The following PCDHA4 variants were observed in gnomAD, a reference collection of about 807,000 sequenced individuals.
The protein encoded by PCDHA4 is protocadherin alpha 4.
In PCDHA4, 49 loss-of-function variants were observed where a neutral mutation model predicts 61.4. That is an observed-to-expected ratio of 0.80 (90% CI 0.63 to 1.01). PCDHA4 has a LOEUF of 1.01. Ranked by LOEUF, PCDHA4 falls within the 50% of genes least tolerant of loss-of-function variation. PCDHA4 has a pLI of 0.00. For synonymous variants in PCDHA4, 590 were observed against 550.3 expected, an observed-to-expected ratio of 1.07 and a Z score of -1.01; for missense variants, 1,254 against 1,235.8, an observed-to-expected ratio of 1.01 and a Z score of -0.22.
chr5:140,971,922 G>A (rs1433994919), intron 1 of PCDHA4, among the ~76,000 whole-genome samples: 1 of 152,120 alleles, frequency 6.6e-6, no homozygotes, highest in Admixed American at 6.5e-5. Context: ...CACACTGCTA[G>A]TGTTATTTTA....
intron 1 of PCDHA4, chr5:140,876,266 A>T: frequency 6.2e-7 from 1 of 1,614,012 alleles, no homozygotes; most frequent in South Asian, 1.1e-5. Context: ...ATCCAACTAA[A>T]TGCTTCCGAT....
In PCDHA4 at chr5:140,852,899, G is replaced by A; in HGVS notation, c.2385+43327G>A. On this transcript the variant is annotated intron_variant, in intron 1 of 3. Transcript: ENST00000530339. ...TCATAAAACGTATTTTTTTTTTTGA[G>A]TCAGAGTCTCGCTCTGTTGCCCAGG... 4.8e-6 allele frequency: 4 copies of A among 840,714 alleles called. 1 individual carries two copies. Among genetic ancestry groups the A allele is most frequent in the Non-Finnish European group, 5.8e-6 (4 of 685,948 alleles). The allele number at this position is 840,714 out of a possible 1,614,324, so 52.1% of individuals were successfully genotyped here.
intron 1 of PCDHA4, chr5:140,841,370 T>C: frequency 1.9e-6 from 3 of 1,613,492 alleles, no homozygotes; most frequent in South Asian, 1.1e-5. Flanking sequence ...ACTACTACTC[T>C]TGCTTCTGCT....
intron 1 of PCDHA4, among the ~76,000 whole-genome samples, chr5:140,826,566 GT>G (rs1768969925): frequency 6.6e-6 from 1 of 152,130 alleles, no homozygotes; most frequent in Non-Finnish European, 1.5e-5. Flanking sequence ...TGAAGGAGGG[GT>G]TTAATCACTT....
rs2098418726 is a variant in PCDHA4 at position 141,010,899 on chromosome 5, C to T, written c.*962C>T. 2 of 153,680 alleles carry T rather than the reference C, an allele frequency of 1.3e-5. No individual in the cohort carries two copies. Among genetic ancestry groups the T allele is most frequent in the Admixed American group, 6.6e-5 (1 of 15,264 alleles). The allele number at this position is 153,680 out of a possible 1,614,324, so 9.5% of individuals were successfully genotyped here. ...TTTAAAGAGAAATATGAATACAATT[C>T]CCCTAAACTCTCCTCAAAAGAGAAT... On this transcript the variant is annotated 3_prime_UTR_variant, in exon 4 of 4. Coordinates refer to ENST00000530339, the MANE Select transcript of PCDHA4 (RefSeq NM_018907.4).
chr5:140,885,516 T>C (rs1235698672), intron 1 of PCDHA4, among the ~76,000 whole-genome samples: 1 of 152,198 alleles, frequency 6.6e-6, no homozygotes, highest in South Asian at 2.1e-4. Context: ...TGCTGTGCTA[T>C]CATTTCATAT....
intron 1 of PCDHA4, chr5:140,866,685 A>T (rs2049496850): frequency 6.6e-6 from 1 of 152,190 alleles, no homozygotes; most frequent in Admixed American, 6.5e-5. Context: ...TAGGTCTGTT[A>T]GAATATCAGT....
chr5:140,816,152 C>T (rs1339858061), intron 1 of PCDHA4: 3 of 152,146 alleles, frequency 2.0e-5, no homozygotes, highest in East Asian at 1.9e-4. Flanking sequence ...GCAGCCTGCT[C>T]GAGGATGTCC....
intron 1 of PCDHA4, chr5:140,847,941 A>G (rs923253393): frequency 3.3e-5 from 5 of 151,238 alleles, no homozygotes; most frequent in African/African-American, 1.2e-4. Flanking sequence ...CAACTCCTGG[A>G]TTTCTCTTAC....
In PCDHA4 at chr5:140,838,575, T is replaced by G. The variant is rs1333635354; in HGVS notation, c.2385+29003T>G. Among the ~76,000 whole-genome samples the G allele has an allele frequency of 2.6e-5, 4 of 152,148 alleles. No homozygotes were observed. In the East Asian group the frequency reaches 7.7e-4, roughly 29 times the overall value. The stretch of plus-strand genomic sequence containing the variant: ...TTCATCCAGTACTGTATTAGGGACA[T>G]TAATGAAACAATAACCGAATTGTCT... On this transcript the variant is annotated intron_variant, in intron 1 of 3. Coordinates refer to ENST00000530339, the MANE Select transcript of PCDHA4 (RefSeq NM_018907.4).
At chr5:140,905,116 C>A (rs570992369) in intron 1 of PCDHA4, among the ~76,000 whole-genome samples, 1 of 152,282 alleles carries the variant, frequency 6.6e-6, no homozygotes, top group Non-Finnish European at 1.5e-5. Context: ...TTGCCTAAGC[C>A]AATGTCTAGA....
At position 140,809,244 on chromosome 5, in the gene PCDHA4, C is replaced by T. The variant is rs1554125101; in HGVS notation, c.2057C>T (p.Ala686Val). Reference protein sequence around the residue: ...PKASSRALVGAVGPDAALVDV... With the variant: ...PKASSRALVGVVGPDAALVDV... The stretch of plus-strand genomic sequence containing the variant: ...GCCTCCTCACGGGCGTTGGTGGGCG[C>T]TGTGGGTCCCGATGCTGCGCTGGTG... The change falls in exon 1 of 4, where the codon GCT becomes GTT. Residue 686 changes from alanine to valine, a missense_variant. Transcript: ENST00000530339. 16 of 1,614,096 alleles carry T rather than the reference C, an allele frequency of 9.9e-6. No homozygotes were observed. The highest frequency in any genetic ancestry group is 1.4e-5 in the Non-Finnish European group (16 of 1,179,966).
At chr5:140,852,893 T>C in intron 1 of PCDHA4, 1 of 907,664 alleles carries the variant, frequency 1.1e-6, no homozygotes, top group Non-Finnish European at 1.3e-6. Context: ...GTATTTTTTT[T>C]TTTGAGTCAG....
intron 1 of PCDHA4, among the ~76,000 whole-genome samples, chr5:140,909,531 G>A (rs2074565633): frequency 6.6e-6 from 1 of 152,160 alleles, no homozygotes. Flanking sequence ...CACATTTTGA[G>A]TCCTTGATGG....
chr5:140,845,125 T>C (rs1779709915), intron 1 of PCDHA4, among the ~76,000 whole-genome samples: 1 of 149,748 alleles, frequency 6.7e-6, no homozygotes, highest in Non-Finnish European at 1.5e-5. Flanking sequence ...GTTTAGCATT[T>C]TATTTGACTA....
At chr5:140,925,537 A>G (rs1325632505) in intron 1 of PCDHA4, among the ~76,000 whole-genome samples, 4 of 152,070 alleles carry the variant, frequency 2.6e-5, no homozygotes, top group Non-Finnish European at 2.9e-5. Flanking sequence ...GAGGAGAAAT[A>G]CCTAATGTAA....
chr5:140,817,981 CT>C (rs1289282111), intron 1 of PCDHA4, among the ~76,000 whole-genome samples: 3 of 152,254 alleles, frequency 2.0e-5, no homozygotes, highest in Admixed American at 6.5e-5. Flanking sequence ...TGTCTAGCTA[CT>C]TTGTATACTT....
chr5:140,827,562 G>A (rs1342392070), intron 1 of PCDHA4, among the ~76,000 whole-genome samples: 2 of 152,094 alleles, frequency 1.3e-5, no homozygotes, highest in African/African-American at 4.8e-5. Flanking sequence ...TTTCCCTAGA[G>A]CACTATATAA....
chr5:140,884,403 T>A, intron 1 of PCDHA4: 1 of 1,613,992 alleles, frequency 6.2e-7, no homozygotes, highest in Middle Eastern at 1.6e-4. Context: ...AGCCTGTTGG[T>A]GCTCACGTTG....
Sources: gnomAD v4.1 joint callset for allele counts (sites outside exome capture counted in the v4.1 genomes callset) on GRCh38, gnomAD v4.1.1 for gene constraint, MANE v1.5 for transcripts, NCBI Gene and HGNC (gene_info 2026-07-23, HGNC 2026-07-21) for gene names.